Variants in SNRPN observed in about 807,000 individuals in gnomAD.
SNRPN encodes the protein small nuclear ribonucleoprotein-associated protein N.
Under a neutral mutation model 25.2 loss-of-function variants are expected in SNRPN, and 7 were observed. The ratio of observed to expected loss-of-function variants is 0.28; its 90% CI spans 0.16 to 0.52. The LOEUF is 0.52. Among genes scored for constraint, SNRPN ranks in the 20% least tolerant of loss-of-function variants. The pLI is 0.96. For missense variants in SNRPN, 196 were observed against 322.5 expected (o/e 0.61, Z 3.00); for synonymous variants, 124 against 110.6 (o/e 1.12, Z -0.76).
Position 24,949,194 on chromosome 15 carries a change from G to A in SNRPN, c.-390-12920G>A, listed in dbSNP as rs969286984. 2.0e-5 allele frequency among the ~76,000 whole-genome samples: 3 copies of A among 151,442 alleles called. No homozygotes were observed. In the South Asian group the frequency reaches 6.3e-4, roughly 32 times the overall value. On this transcript the variant is annotated intron_variant, in intron 3 of 11. Coordinates refer to the SNRPN transcript ENST00000400097. ...GTGCCACCACACCCGGCTATTTTTT[G>A]TATTTTTAGTAGAGACAAGGTTTTG...
chr15:24,912,483 G>T (rs1325073997), intron 2 of SNRPN: 1 of 152,168 alleles, frequency 6.6e-6, no homozygotes, highest in African/African-American at 2.4e-5. Context: ...GCTGGAATGA[G>T]TTAAGACATT....
intron 2 of SNRPN, among the ~76,000 whole-genome samples, chr15:24,839,875 G>T (rs1438668278): frequency 2.0e-5 from 3 of 152,308 alleles, no homozygotes; most frequent in South Asian, 2.1e-4. Flanking sequence ...TCCTAGCTGG[G>T]CCTGAACTTG....
intron 2 of SNRPN, among the ~76,000 whole-genome samples, chr15:24,831,966 G>C (rs983273761): frequency 4.2e-5 from 6 of 142,562 alleles, no homozygotes; most frequent in Non-Finnish European, 9.1e-5. Context: ...ACACCGGATA[G>C]TCAATGAAAT....
At chr15:24,873,667 T>C (rs1305203881) in intron 1 of SNRPN, among the ~76,000 whole-genome samples, 3 of 152,016 alleles carry the variant, frequency 2.0e-5, no homozygotes, top group Admixed American at 6.6e-5. Flanking sequence ...CAGGATGGTC[T>C]CGATCTCCTG....
chr15:24,869,044 C>G (rs1277816059), intron 1 of SNRPN, among the ~76,000 whole-genome samples: 1 of 152,054 alleles, frequency 6.6e-6, no homozygotes, highest in African/African-American at 2.4e-5. Flanking sequence ...ACTAGGGAGG[C>G]TGAGGCAGCA....
chr15:24,977,572 A>G lies in SNRPN; in HGVS notation c.421-206A>G, dbSNP rs2077208799. ...AGAATCGCTTGAACCCAGGAGTGGGAGGCTGCAGTGAGCTGAGATTGCGCC... is the reference window on the plus strand; with the variant it reads ...AGAATCGCTTGAACCCAGGAGTGGGGGGCTGCAGTGAGCTGAGATTGCGCC... On this transcript the variant is annotated intron_variant, in intron 7 of 9. Transcript: ENST00000390687. 3.3e-5 allele frequency among the ~76,000 whole-genome samples: 5 copies of G among 152,204 alleles called. No individual in the cohort carries two copies. In the South Asian group the frequency reaches 1.0e-3, roughly 32 times the overall value.
upstream of SNRPN, among the ~76,000 whole-genome samples, chr15:24,855,770 C>A (rs2053321891): frequency 8.5e-6 from 1 of 117,824 alleles, no homozygotes; most frequent in African/African-American, 3.3e-5. Context: ...CCAGCCTGGG[C>A]AACAGAGCGA....
chr15:24,870,904 A>ATC (rs976183080), intron 1 of SNRPN, among the ~76,000 whole-genome samples: 4 of 150,230 alleles, frequency 2.7e-5, no homozygotes, highest in Non-Finnish European at 5.9e-5. Context: ...TTTTTGAGAT[A>ATC]GAGTCTCACT....
chr15:24,960,417 TG>T (rs2074579677), intron 1 of SNRPN, among the ~76,000 whole-genome samples: 1 of 152,036 alleles, frequency 6.6e-6, no homozygotes, highest in Admixed American at 6.6e-5. Flanking sequence ...CTCAGGTCAC[TG>T]CAACCTCTGC....
intron 1 of SNRPN, among the ~76,000 whole-genome samples, chr15:24,882,179 A>G (rs1409411773): frequency 6.6e-6 from 1 of 152,090 alleles, no homozygotes. Context: ...AAGTCGGTTC[A>G]TTTGTTTGTT....
At chr15:24,957,438 T>C (rs372340665) in intron 1 of SNRPN, among the ~76,000 whole-genome samples, 4 of 152,338 alleles carry the variant, frequency 2.6e-5, no homozygotes, top group African/African-American at 7.2e-5. Flanking sequence ...AAGTTGGAGC[T>C]ACTACAAAAA....
At chr15:24,925,602 T>G (rs1294983670) in intron 3 of SNRPN, among the ~76,000 whole-genome samples, 1 of 152,112 alleles carries the variant, frequency 6.6e-6, no homozygotes, top group African/African-American at 2.4e-5. Context: ...TATAAATTTA[T>G]TATTGTTGTT....
At chr15:24,976,584 G>A (rs2077085810) in intron 6 of SNRPN, among the ~76,000 whole-genome samples, 168 bp downstream of exon 6, 1 of 152,220 alleles carries the variant, frequency 6.6e-6, no homozygotes, top group Non-Finnish European at 1.5e-5. Context: ...GGGATTAGGG[G>A]ATTTTTGGTG....
At position 24,967,949 on chromosome 15, in the gene SNRPN, G is replaced by T; in HGVS notation, c.-277G>T. On this transcript the variant is annotated 5_prime_UTR_variant, in exon 3 of 10. It adds an upstream start codon to the 5' untranslated region. Transcript: ENST00000390687. ...TGTTGTAGGTGTCAGTTGTACCCGAGGCGTTCTCAGCAGCAGCAAGTACCT... is the reference window on the plus strand; with the variant it reads ...TGTTGTAGGTGTCAGTTGTACCCGATGCGTTCTCAGCAGCAGCAAGTACCT... 6.2e-7 allele frequency: 1 copy of T among 1,613,996 alleles called. No individual in the cohort carries two copies. Among genetic ancestry groups the T allele is most frequent in the Non-Finnish European group, 8.5e-7 (1 of 1,180,010 alleles).
intron 1 of SNRPN, among the ~76,000 whole-genome samples, chr15:24,864,679 A>T (rs927065715): frequency 3.3e-5 from 5 of 151,742 alleles, no homozygotes; most frequent in African/African-American, 1.2e-4. Flanking sequence ...TGTTTTTAAT[A>T]GATACATTTC....
At chr15:24,895,425 A>C in intron 2 of SNRPN, among the ~76,000 whole-genome samples, 1 of 151,900 alleles carries the variant, frequency 6.6e-6, no homozygotes, top group South Asian at 2.1e-4. Flanking sequence ...ACACACACAC[A>C]CACACACACA....
rs185975702 is a variant in SNRPN at position 24,973,990 on chromosome 15, C to G, written c.-143-321C>G. On this transcript the variant is annotated intron_variant, in intron 3 of 9. Coordinates refer to ENST00000390687, the MANE Select transcript of SNRPN (RefSeq NM_003097.6). Reference sequence around the variant, plus strand: ...ATACAGAGATGACTTCATATTAATTCTGAACTAGAGAGAGAGACACTACCT... The same window carrying G: ...ATACAGAGATGACTTCATATTAATTGTGAACTAGAGAGAGAGACACTACCT... Among the ~76,000 whole-genome samples, 39 of 152,212 alleles carry G rather than the reference C, an allele frequency of 2.6e-4. 1 individual carries two copies. The highest frequency in any genetic ancestry group is 7.5e-4 in the African/African-American group (31 of 41,544).
intron 1 of SNRPN, among the ~76,000 whole-genome samples, chr15:24,878,256 C>T (rs1319629571): frequency 6.6e-6 from 1 of 152,232 alleles, no homozygotes; most frequent in African/African-American, 2.4e-5. Context: ...TCCTGAAGCC[C>T]CACGGGTCTC....
intron 1 of SNRPN, among the ~76,000 whole-genome samples, chr15:24,955,865 G>A (rs1336011985): frequency 6.6e-6 from 1 of 151,808 alleles, no homozygotes; most frequent in African/African-American, 2.4e-5. Flanking sequence ...CGGTGGGCAT[G>A]GCGGCCGCGG....
Sources: gnomAD v4.1 joint callset for allele counts (sites outside exome capture counted in the v4.1 genomes callset) on GRCh38, gnomAD v4.1.1 for gene constraint, MANE v1.5 for transcripts, NCBI Gene and HGNC (gene_info 2026-07-23, HGNC 2026-07-21) for gene names.